KHDRBS2: variants seen among roughly 807,000 people sequenced by gnomAD.
KHDRBS2 encodes the protein KH domain-containing, RNA-binding, signal transduction-associated protein 2.
In KHDRBS2, 26 loss-of-function variants were observed where a neutral mutation model predicts 44.3. That is an observed-to-expected ratio of 0.59 (90% CI 0.43 to 0.81). The LOEUF (loss-of-function observed/expected upper bound fraction) is 0.81. Ranked by LOEUF, KHDRBS2 falls within the 40% of genes least tolerant of loss-of-function variation. The pLI, the probability that KHDRBS2 is intolerant of heterozygous loss-of-function variation, is 0.00. For missense variants in KHDRBS2, 476 were observed against 433.1 expected (o/e 1.10, Z -0.88); for synonymous variants, 194 against 151.1 (o/e 1.28, Z -2.08).
chr6:61,818,266 TAAAA>T (rs60399147), intron 6 of KHDRBS2, among the ~76,000 whole-genome samples: 15 of 114,454 alleles, frequency 1.3e-4, no homozygotes, highest in Non-Finnish European at 2.3e-4. Flanking sequence ...CCTCTGTAAG[TAAAA>T]AAAAAAAAAA....
intron 2 of KHDRBS2, among the ~76,000 whole-genome samples, chr6:62,163,280 C>T (rs1257606011): frequency 1.3e-5 from 2 of 151,940 alleles, no homozygotes; most frequent in Non-Finnish European, 2.9e-5. Flanking sequence ...TTTATTGCTG[C>T]AGAGGCAAAA....
chr6:61,797,725 T>TTGTGTG (rs56038952), intron 6 of KHDRBS2, among the ~76,000 whole-genome samples: 121 of 114,816 alleles, frequency 1.1e-3, no homozygotes, highest in Non-Finnish European at 1.9e-3. Context: ...GTATGGTGTT[T>TTGTGTG]TGTGTGTGTG....
chr6:61,713,036 T>C (rs1770791619), intron 7 of KHDRBS2, among the ~76,000 whole-genome samples: 1 of 151,562 alleles, frequency 6.6e-6, no homozygotes. Context: ...ATATCTTGCT[T>C]AGTATAGTTC....
chr6:62,170,488 C>T (rs1819765312), intron 2 of KHDRBS2, among the ~76,000 whole-genome samples: 1 of 152,136 alleles, frequency 6.6e-6, no homozygotes, highest in Non-Finnish European at 1.5e-5. Context: ...TGCCAAAAAA[C>T]AGAAGAACCA....
rs866457614 is a variant in KHDRBS2, at chr6:61,848,554, T to C, written c.810+46081A>G. Among the ~76,000 whole-genome samples, 177 of 37,438 alleles carry C rather than the reference T, an allele frequency of 4.7e-3. 21 individuals carry two copies. The highest frequency in any genetic ancestry group is 0.031 in the African/African-American group (168 of 5,370). 24.6% of individuals were successfully genotyped at this position (37,438 alleles called of 152,430 possible). ...ATACATATATATGTATATATATACATATATATATGTATATATATATACATA... is the reference window on the plus strand; with the variant it reads ...ATACATATATATGTATATATATACACATATATATGTATATATATATACATA... On this transcript the variant is annotated intron_variant, in intron 6 of 8. Coordinates refer to ENST00000281156, the MANE Select transcript of KHDRBS2 (RefSeq NM_152688.4).
At chr6:62,073,906 T>C (rs958184943) in intron 2 of KHDRBS2, among the ~76,000 whole-genome samples, 59 of 151,800 alleles carry the variant, frequency 3.9e-4, no homozygotes, top group African/African-American at 1.3e-3. Flanking sequence ...GCAGATCACT[T>C]TGGATTTATG....
At chr6:62,119,472 G>C (rs1164986501) in intron 2 of KHDRBS2, among the ~76,000 whole-genome samples, 1 of 152,136 alleles carries the variant, frequency 6.6e-6, no homozygotes, top group Non-Finnish European at 1.5e-5. Context: ...ATAAAGGGCT[G>C]AAAATGTGGG....
intron 4 of KHDRBS2, among the ~76,000 whole-genome samples, chr6:61,936,274 A>C (rs1431951637): frequency 6.6e-6 from 1 of 152,066 alleles, no homozygotes; most frequent in South Asian, 2.1e-4. Context: ...TAATTTGGGA[A>C]ATACATGTTT....
intron 6 of KHDRBS2, among the ~76,000 whole-genome samples, chr6:61,791,213 C>T (rs1255818145): frequency 2.5e-4 from 38 of 150,946 alleles, no homozygotes; most frequent in Non-Finnish European, 1.5e-5. Flanking sequence ...GTTTTTTTCC[C>T]CTGCCTCACT....
intron 2 of KHDRBS2, among the ~76,000 whole-genome samples, chr6:62,117,229 A>C (rs2150079582): frequency 6.6e-6 from 1 of 152,086 alleles, no homozygotes; most frequent in East Asian, 1.9e-4. Flanking sequence ...GTGTACTACC[A>C]GTCTTTTCAT....
intron 1 of KHDRBS2, among the ~76,000 whole-genome samples, chr6:62,233,323 T>G (rs1833180162): frequency 6.6e-6 from 1 of 152,150 alleles, no homozygotes; most frequent in East Asian, 1.9e-4. Context: ...AAATGGAAAC[T>G]TAATGGTTCT....
chr6:61,568,997 T>A, the KHDRBS2 span, among the ~76,000 whole-genome samples: 1 of 32,114 alleles, frequency 3.1e-5, no homozygotes, highest in Non-Finnish European at 7.5e-5. Flanking sequence ...TGGGGAAGTG[T>A]GAGGTCCAAA....
Position 62,109,640 on chromosome 6 carries a change from G to A in KHDRBS2, c.220-61646C>T, listed in dbSNP as rs116194506. Among the ~76,000 whole-genome samples the A allele has an allele frequency of 2.1e-3, 324 of 151,804 alleles. 1 individual carries two copies. The highest frequency in any genetic ancestry group is 7.3e-3 in the African/African-American group (304 of 41,434). ...GATCATATAGTGGCAATGAACAATT[G>A]AAAAATACAATTAAAATACCAGTTA... On this transcript the variant is annotated intron_variant, in intron 2 of 8. Coordinates refer to ENST00000281156, the MANE Select transcript of KHDRBS2 (RefSeq NM_152688.4).
intron 4 of KHDRBS2, among the ~76,000 whole-genome samples, chr6:61,959,280 C>T (rs1450932506): frequency 2.0e-5 from 3 of 152,150 alleles, no homozygotes; most frequent in Admixed American, 6.6e-5. Flanking sequence ...GTATTTACAA[C>T]ACAAGTAAAT....
chr6:61,567,050 T>A, the KHDRBS2 span, among the ~76,000 whole-genome samples: 1 of 152,190 alleles, frequency 6.6e-6, no homozygotes, highest in African/African-American at 2.4e-5. Flanking sequence ...CTGGGGAATG[T>A]GATTTGGCCA....
intron 4 of KHDRBS2, among the ~76,000 whole-genome samples, chr6:61,915,397 T>C (rs1806811321): frequency 1.3e-5 from 2 of 152,048 alleles, no homozygotes; most frequent in South Asian, 4.1e-4. Context: ...GTGGTCATAA[T>C]GACTCAACTA....
At chr6:61,977,127 C>T (rs1351972376) in intron 4 of KHDRBS2, among the ~76,000 whole-genome samples, 3 of 152,114 alleles carry the variant, frequency 2.0e-5, no homozygotes, top group African/African-American at 7.2e-5. Context: ...CTTAAAATCA[C>T]TGCCAATCAA....
the KHDRBS2 span, among the ~76,000 whole-genome samples, chr6:61,611,344 A>G: frequency 6.6e-6 from 1 of 152,368 alleles, no homozygotes; most frequent in Middle Eastern, 3.4e-3. Context: ...TATGAAAAGC[A>G]TCATAGTTTT....
intron 4 of KHDRBS2, among the ~76,000 whole-genome samples, chr6:61,947,487 G>A (rs1340470952): frequency 6.6e-6 from 1 of 152,084 alleles, no homozygotes; most frequent in Non-Finnish European, 1.5e-5. Flanking sequence ...TGTTAATGAA[G>A]AAGTGAGTTG....
Sources: allele counts gnomAD v4.1 joint callset (sites outside exome capture counted in the v4.1 genomes callset), GRCh38; gene constraint gnomAD v4.1.1; transcripts MANE v1.5; gene names NCBI Gene and HGNC (gene_info 2026-07-23, HGNC 2026-07-21).